ADAMTS2: variants seen among roughly 807,000 people sequenced by gnomAD.
ADAMTS2 encodes the protein ADAM metallopeptidase with thrombospondin type 1 motif 2, also known as A disintegrin and metalloproteinase with thrombospondin motifs 2.
Under a neutral mutation model 123.0 loss-of-function variants are expected in ADAMTS2, and 50 were observed. The ratio of observed to expected loss-of-function variants is 0.41; its 90% CI spans 0.32 to 0.51. The LOEUF (loss-of-function observed/expected upper bound fraction) is 0.51, where lower values mean the gene tolerates loss of function less well. Among genes scored for constraint, ADAMTS2 ranks in the 20% least tolerant of loss-of-function variants. The pLI, the probability that ADAMTS2 is intolerant of heterozygous loss-of-function variation, is 0.35. For missense variants in ADAMTS2, 1,494 were observed against 1,705.2 expected (o/e 0.88, Z 2.18); for synonymous variants, 678 against 695.4 (o/e 0.98, Z 0.39).
chr5:179,329,098 A>T (rs142536092), intron 2 of ADAMTS2, among the ~76,000 whole-genome samples: 59 of 152,120 alleles, frequency 3.9e-4, no homozygotes, highest in Admixed American at 6.5e-4. Context: ...GAGGCCAAGG[A>T]GGGCGGATCA....
intron 2 of ADAMTS2, among the ~76,000 whole-genome samples, chr5:179,276,309 G>A (rs78870888): frequency 0.037 from 5,639 of 152,282 alleles, 374 homozygotes; most frequent in African/African-American, 0.13. Context: ...TGGTCCCGGT[G>A]CGTGGTGTGG....
chr5:179,191,161 G>A (rs1007834416), intron 4 of ADAMTS2, among the ~76,000 whole-genome samples: 1 of 152,228 alleles, frequency 6.6e-6, no homozygotes, highest in Non-Finnish European at 1.5e-5. Flanking sequence ...TCCCCCAGGG[G>A]CCTCTCGGCC....
chr5:179,138,092 T>C, intron 11 of ADAMTS2, 148 bp from the exon 12 acceptor site: 1 of 878,136 alleles, frequency 1.1e-6, no homozygotes, highest in Non-Finnish European at 1.8e-6. Context: ...TGCCCTGCCA[T>C]GTCCTAGCTG....
chr5:179,330,025 C>T (rs1276973857), intron 2 of ADAMTS2, among the ~76,000 whole-genome samples: 2 of 150,520 alleles, frequency 1.3e-5, no homozygotes, highest in African/African-American at 4.9e-5. Flanking sequence ...ACTCGGGAGG[C>T]TGAGGCAGGA....
intron 4 of ADAMTS2, among the ~76,000 whole-genome samples, chr5:179,200,244 C>CTTT (rs1051856642): frequency 0.02 from 2,050 of 103,628 alleles, 127 homozygotes; most frequent in African/African-American, 0.07. Flanking sequence ...CCTTTCTTTC[C>CTTT]TTTTTTTTTT....
chr5:179,245,283 C>A (rs1765757848), intron 3 of ADAMTS2, among the ~76,000 whole-genome samples: 1 of 151,266 alleles, frequency 6.6e-6, no homozygotes, highest in African/African-American at 2.5e-5. Context: ...AACAGATCCT[C>A]CCCGGAGGAG....
intron 2 of ADAMTS2, among the ~76,000 whole-genome samples, chr5:179,319,956 A>T (rs1757113295): frequency 6.6e-6 from 1 of 152,206 alleles, no homozygotes; most frequent in African/African-American, 2.4e-5. Flanking sequence ...GCCCTGCCTG[A>T]TCTCAAGGCT....
chr5:179,293,403 C>T (rs1202601973), intron 2 of ADAMTS2, among the ~76,000 whole-genome samples: 1 of 152,248 alleles, frequency 6.6e-6, no homozygotes, highest in South Asian at 2.1e-4. Context: ...AGTATTTTCC[C>T]TGCTAACTGC....
chr5:179,241,542 A>T (rs1765672269), intron 3 of ADAMTS2, among the ~76,000 whole-genome samples: 1 of 152,216 alleles, frequency 6.6e-6, no homozygotes, highest in Non-Finnish European at 1.5e-5. Flanking sequence ...GACGTTCAAA[A>T]CGACATGAAA....
Position 179,207,497 on chromosome 5 carries a change from C to CCCCA in ADAMTS2, c.891+15_891+16insTGGG. 6.6e-7 allele frequency: 1 copy of CCCCA among 1,511,476 alleles called. No homozygotes were observed. Among genetic ancestry groups the CCCCA allele is most frequent in the Non-Finnish European group, 9.1e-7 (1 of 1,099,302 alleles). 93.6% of individuals were successfully genotyped at this position (1,511,476 alleles called of 1,614,324 possible). ...CCCTCCCCGCCCCACCCTGCCCCCT[C>CCCCA]AGCCACCCCACTCACAATGTTCATG... On this transcript the variant is annotated intron_variant, in intron 4 of 21. Coordinates refer to ENST00000251582, the MANE Select transcript of ADAMTS2 (RefSeq NM_014244.5).
intron 2 of ADAMTS2, among the ~76,000 whole-genome samples, chr5:179,334,334 G>A (rs1325122810): frequency 1.3e-5 from 2 of 152,196 alleles, no homozygotes; most frequent in African/African-American, 4.8e-5. Context: ...AGCTGAGGCC[G>A]AGGCTGAGAA....
chr5:179,283,549 C>CAAAAAAAAAAAAAAAAAAAAAACAAA (rs3986816), intron 2 of ADAMTS2, among the ~76,000 whole-genome samples: 2 of 51,344 alleles, frequency 3.9e-5, no homozygotes, highest in Admixed American at 2.5e-4. Context: ...AGAAAAACAG[C>CAAAAAAAAAAAAAAAAAAAAAACAAA]AAAAAAAAAA....
At chr5:179,140,186 G>T in intron 10 of ADAMTS2, 151 bp from the exon 11 acceptor site, 1 of 1,190,270 alleles carries the variant, frequency 8.4e-7, no homozygotes, top group Non-Finnish European at 1.2e-6. Context: ...GATGCTCAGA[G>T]CCCCCAGAAG....
chr5:179,166,283 G>T (rs978897958), intron 5 of ADAMTS2, among the ~76,000 whole-genome samples: 1 of 152,212 alleles, frequency 6.6e-6, no homozygotes, highest in Admixed American at 6.5e-5. Context: ...TGTTTCCTCC[G>T]GGTTCAGCCT....
intron 15 of ADAMTS2, among the ~76,000 whole-genome samples, chr5:179,131,312 A>G (rs1762957729): frequency 6.7e-6 from 1 of 148,522 alleles, no homozygotes; most frequent in Non-Finnish European, 1.5e-5. Flanking sequence ...GACTCAAAAA[A>G]AAAAAAAAAA....
Position 179,228,406 on chromosome 5 carries a change from G to C in ADAMTS2, c.689-20691C>G, listed in dbSNP as rs7704320. Among the ~76,000 whole-genome samples the C allele has an allele frequency of 0.46, 69,353 of 150,440 alleles. 15,988 individuals carry two copies. Among genetic ancestry groups the C allele is most frequent in the Non-Finnish European group, 0.5 (33,763 of 67,014 alleles). ...AGTCTGGGCACCAGCCTGTTTTCTT[G>C]TCCTCTCCAGCCAGCAGGGCAGAAT... On this transcript the variant is annotated intron_variant, in intron 3 of 21. Coordinates refer to ENST00000251582, the MANE Select transcript of ADAMTS2 (RefSeq NM_014244.5). This position sits in a 1 kb window ranked among gnomAD's most constrained non-coding sequence, Gnocchi z 5.2.
intron 5 of ADAMTS2, among the ~76,000 whole-genome samples, chr5:179,159,683 C>G (rs964904627): frequency 1.3e-5 from 2 of 152,140 alleles, no homozygotes; most frequent in Non-Finnish European, 2.9e-5. Context: ...AGCAGGCACT[C>G]CCATTTAGAC....
At chr5:179,121,824 G>A (rs879240385) in intron 20 of ADAMTS2, 74 bp from the exon 21 acceptor site, 3 of 1,018,640 alleles carry the variant, frequency 2.9e-6, no homozygotes, top group Non-Finnish European at 1.4e-6. Flanking sequence ...AGAGGCTCCG[G>A]GTCTCCCGGG....
At chr5:179,296,879 A>G (rs1756354310) in intron 2 of ADAMTS2, among the ~76,000 whole-genome samples, 1 of 152,224 alleles carries the variant, frequency 6.6e-6, no homozygotes, top group African/African-American at 2.4e-5. Context: ...TTAGAGATCA[A>G]CCAGACTGAG....
Sources: allele counts gnomAD v4.1 joint callset (sites outside exome capture counted in the v4.1 genomes callset), GRCh38; gene constraint gnomAD v4.1.1; non-coding constraint Gnocchi (gnomAD v3.1); transcripts MANE v1.5; gene names NCBI Gene and HGNC (gene_info 2026-07-23, HGNC 2026-07-21).